Variants in HAAO observed in about 807,000 individuals in gnomAD.
The protein encoded by HAAO is 3-hydroxyanthranilate oxygenase.
In HAAO, 49 loss-of-function variants were observed where a neutral mutation model predicts 46.2. The ratio of observed to expected loss-of-function variants is 1.06; its 90% CI spans 0.84 to 1.34. The LOEUF (loss-of-function observed/expected upper bound fraction) is 1.34. Ranked by LOEUF, HAAO falls within the 40% of genes most tolerant of loss-of-function variation. The pLI is 0.00. For missense variants in HAAO, 408 were observed against 364.5 expected (o/e 1.12, Z -0.97); for synonymous variants, 157 against 145.2 (o/e 1.08, Z -0.58).
At chr2:42,774,758 C>T (rs1439310313) in intron 4 of HAAO, among the ~76,000 whole-genome samples, 1 of 151,610 alleles carries the variant, frequency 6.6e-6, no homozygotes, top group African/African-American at 2.4e-5. Flanking sequence ...ATCATAGAAG[C>T]TGCGCGATTG....
At position 42,768,403 on chromosome 2, in the gene HAAO, A is replaced by G. The variant is rs150650923; in HGVS notation, c.631-475T>C. On this transcript the variant is annotated intron_variant, in intron 7 of 9. Transcript: ENST00000294973. ...CAGGGCCGTGCTGCTGATGCCCTGG[A>G]GAGGGTGCATATTCATTAATGTAAA... Among the ~76,000 whole-genome samples, 274 of 152,260 alleles carry G rather than the reference A, an allele frequency of 1.8e-3. 1 individual carries two copies. The highest frequency in any genetic ancestry group is 6.2e-3 in the African/African-American group (257 of 41,546).
At chr2:42,776,062 C>G (rs1046128574) in intron 4 of HAAO, among the ~76,000 whole-genome samples, 1 of 151,734 alleles carries the variant, frequency 6.6e-6, no homozygotes, top group East Asian at 1.9e-4. Context: ...ATCACGTGGT[C>G]TAAGCTCATA....
chr2:42,791,875 C>CT lies in HAAO; in HGVS notation c.80+581dup, dbSNP rs1469178409. ...GCTGGATGGCCAACCCTGTTGGGTG[C>CT]TGCAGGCAGAGGCTACTGGCAGAGG... On this transcript the variant is annotated intron_variant, in intron 1 of 9. Coordinates refer to ENST00000294973, the MANE Select transcript of HAAO (RefSeq NM_012205.3). 2.0e-5 allele frequency among the ~76,000 whole-genome samples: 3 copies of CT among 151,206 alleles called. No individual in the cohort carries two copies. In the East Asian group the frequency reaches 5.9e-4, roughly 30 times the overall value.
At position 42,787,733 on chromosome 2, in the gene HAAO, T is replaced by G. The variant is rs114304497; in HGVS notation, c.159+796A>C. The stretch of plus-strand genomic sequence containing the variant: ...GTTGATCAAGCTGGACTCTGGATCC[T>G]GAACCCCCAGAATGAGGCTCCCTGA... On this transcript the variant is annotated intron_variant, in intron 2 of 9. Coordinates refer to ENST00000294973, the MANE Select transcript of HAAO (RefSeq NM_012205.3). Among the ~76,000 whole-genome samples, 475 of 152,322 alleles carry G rather than the reference T, an allele frequency of 3.1e-3. 5 individuals carry two copies. Among genetic ancestry groups the G allele is most frequent in the African/African-American group, 0.011 (451 of 41,576 alleles).
In HAAO at chr2:42,767,294, G is replaced by A; in HGVS notation, c.*143C>T. 1.5e-6 allele frequency: 1 copy of A among 673,266 alleles called. No individual in the cohort carries two copies. The allele number at this position is 673,266 out of a possible 1,614,324, so 41.7% of individuals were successfully genotyped here. On this transcript the variant is annotated 3_prime_UTR_variant, in exon 10 of 10. Transcript: ENST00000294973. ...CATCTGGGCTGAGAAGGGCAGGAGG[G>A]TGGGTGACAACAATGTGCAGGTCTG...
In HAAO at chr2:42,783,834, G is replaced by A. The variant is rs773874847; in HGVS notation, c.193C>T (p.Arg65Ter). Residue 65 changes from arginine (R) to a stop codon, truncating the protein, a stop_gained, in exon 3 of 10, where the codon CGA becomes TGA. Coordinates refer to ENST00000294973, the MANE Select transcript of HAAO (RefSeq NM_012205.3). LOFTEE classifies it high-confidence loss of function. ...CGGTGTTTCCCTTGCTCCAGGACTCGGAGAACCATGTCTCCCTCCAGCTGG... is the reference window on the plus strand; with the variant it reads ...CGGTGTTTCCCTTGCTCCAGGACTCAGAGAACCATGTCTCCCTCCAGCTGG... The part of the protein sequence containing the change: ...FYQLEGDMVL[R>*]VLEQGKHRDV... The A allele has an allele frequency of 1.3e-5, 21 of 1,612,458 alleles. No homozygotes were observed. Among genetic ancestry groups the A allele is most frequent in the Non-Finnish European group, 1.8e-5 (21 of 1,179,420 alleles).
At chr2:42,788,100 AC>A (rs1299010975) in intron 2 of HAAO, among the ~76,000 whole-genome samples, 1 of 151,652 alleles carries the variant, frequency 6.6e-6, no homozygotes, top group Non-Finnish European at 1.5e-5. Flanking sequence ...TCTGCCACCC[AC>A]TCAGCCCAGC....
chr2:42,769,616 TGAAAGA>T (rs1169655855), intron 7 of HAAO, 91 bp downstream of exon 7: 1 of 829,984 alleles, frequency 1.2e-6, no homozygotes. Flanking sequence ...AGTGTGTGTG[TGAAAGA>T]GAGAGAGAGA....
Position 42,792,527 on chromosome 2 carries a change from G to A in HAAO, c.10C>T (p.Arg4Cys). Reference protein sequence around the residue: MERRLGVRAWVKEN... With the variant: MERCLGVRAWVKEN... ...TTCACCCAGGCCCTCACTCCCAGGC[G>A]GCGCTCCATGACTGTCCCGGGCGCC... Residue 4 changes from arginine to cysteine, a missense_variant, in exon 1 of 10, where the codon CGC becomes TGC. Physicochemically the swap from Arg to Cys is radical, Grantham distance 180. Transcript: ENST00000294973. 6.3e-7 allele frequency: 1 copy of A among 1,591,248 alleles called. No homozygotes were observed. The highest frequency in any genetic ancestry group is 8.6e-7 in the Non-Finnish European group (1 of 1,169,586).
At chr2:42,771,535 T>G (rs1433115190) in intron 4 of HAAO, among the ~76,000 whole-genome samples, 1 of 151,880 alleles carries the variant, frequency 6.6e-6, no homozygotes, top group Non-Finnish European at 1.5e-5. Flanking sequence ...CCTTTGAGAG[T>G]TGGAGCAAAG....
chr2:42,783,463 T>A, intron 3 of HAAO, 43 bp from the exon 4 acceptor site: 1 of 1,272,896 alleles, frequency 7.9e-7, no homozygotes, highest in Non-Finnish European at 1.1e-6. Flanking sequence ...CTGCAATCCC[T>A]CATGGAGACC....
chr2:42,784,426 C>T (rs1188021379), intron 2 of HAAO, among the ~76,000 whole-genome samples: 1 of 149,066 alleles, frequency 6.7e-6, no homozygotes, highest in African/African-American at 2.5e-5. Flanking sequence ...GACACCTTGG[C>T]AAGGGGTGGG....
At position 42,767,630 on chromosome 2, in the gene HAAO, G is replaced by A. The variant is rs1230720847; in HGVS notation, c.747C>T (p.Ala249=). 3 of 1,572,696 alleles carry A rather than the reference G, an allele frequency of 1.9e-6. No individual in the cohort carries two copies. Among genetic ancestry groups the A allele is most frequent in the East Asian group, 2.3e-5 (1 of 42,716 alleles). Residue 249 remains alanine, a synonymous_variant, in exon 9 of 10, where the codon GCC becomes GCT. Transcript: ENST00000294973. Reference sequence around the variant, plus strand: ...CTAGCACCAGGAGGCTGTCATCAGGGGCCAGGCTCAGGCGCCGTCCCCCCA... The same window carrying A: ...CTAGCACCAGGAGGCTGTCATCAGGAGCCAGGCTCAGGCGCCGTCCCCCCA... ...VTMGGRRLSL[A]PDDSLLVLAG...
chr2:42,767,571 G>A (rs1207335264), intron 9 of HAAO, 24 bp downstream of exon 9: 1 of 1,587,012 alleles, frequency 6.3e-7, no homozygotes, highest in Non-Finnish European at 8.6e-7. Flanking sequence ...AGGATCCCAG[G>A]GAAAGCCCTC....
chr2:42,785,202 G>T lies in HAAO; in HGVS notation c.160-1335C>A, dbSNP rs376777579. Among the ~76,000 whole-genome samples the T allele has an allele frequency of 6.6e-5, 10 of 152,236 alleles. No individual in the cohort carries two copies. In the East Asian group the frequency reaches 1.7e-3, roughly 26 times the overall value. The stretch of plus-strand genomic sequence containing the variant: ...GATGCTTTACACATATGTGCTCAGC[G>T]CATAGTAAGCCCTCAGTAAGCCTCT... On this transcript the variant is annotated intron_variant, in intron 2 of 9. Coordinates refer to ENST00000294973, the MANE Select transcript of HAAO (RefSeq NM_012205.3).
intron 4 of HAAO, among the ~76,000 whole-genome samples, chr2:42,776,135 A>G (rs1671555815): frequency 6.6e-6 from 1 of 151,344 alleles, no homozygotes; most frequent in Non-Finnish European, 1.5e-5. Flanking sequence ...TCAGAGATCT[A>G]GTTAAAAGAT....
chr2:42,788,006 A>G (rs1672512876), intron 2 of HAAO, among the ~76,000 whole-genome samples: 1 of 151,848 alleles, frequency 6.6e-6, no homozygotes, highest in African/African-American at 2.4e-5. Flanking sequence ...ACCCTGCCCC[A>G]ACTCCTCCTT....
chr2:42,770,699 C>T, intron 4 of HAAO, 117 bp from the exon 5 acceptor site: 1 of 615,676 alleles, frequency 1.6e-6, no homozygotes, highest in Non-Finnish European at 2.9e-6. Flanking sequence ...GTCTGCTCAC[C>T]CCTGTTACAC....
intron 3 of HAAO, 36 bp downstream of exon 3, chr2:42,783,748 C>G (rs1430230050): frequency 2.3e-5 from 37 of 1,575,596 alleles, no homozygotes; most frequent in Non-Finnish European, 3.0e-5. Flanking sequence ...CTGTGGCCGC[C>G]TTTCTCTTCC....
Sources: allele counts gnomAD v4.1 joint callset (sites outside exome capture counted in the v4.1 genomes callset), GRCh38; gene constraint gnomAD v4.1.1; transcripts MANE v1.5; gene names NCBI Gene and HGNC (gene_info 2026-07-23, HGNC 2026-07-21).